AUTS2: variants seen among roughly 807,000 people sequenced by gnomAD.
AUTS2 encodes the protein activator of transcription and developmental regulator AUTS2.
In AUTS2, 17 loss-of-function variants were observed where a neutral mutation model predicts 112.4. The ratio of observed to expected loss-of-function variants is 0.15; its 90% confidence interval spans 0.10 to 0.23. The LOEUF (loss-of-function observed/expected upper bound fraction) is 0.23. Ranked by LOEUF, AUTS2 falls within the 10% of genes least tolerant of loss-of-function variation. The pLI is 1.00. For missense variants in AUTS2, 1,510 were observed against 1,701.6 expected (o/e 0.89, Z 1.98); for synonymous variants, 751 against 702.7 (o/e 1.07, Z -1.09).
At chr7:70,109,785 T>C (rs1804972430) in intron 2 of AUTS2, among the ~76,000 whole-genome samples, 1 of 152,218 alleles carries the variant, frequency 6.6e-6, no homozygotes, top group African/African-American at 2.4e-5. Flanking sequence ...GTCCGGTCCC[T>C]GTCCCCCATC....
At chr7:69,869,652 G>A (rs768691757) in intron 1 of AUTS2, among the ~76,000 whole-genome samples, 8 of 151,784 alleles carry the variant, frequency 5.3e-5, no homozygotes, top group Non-Finnish European at 1.0e-4. Flanking sequence ...AGCATCCCTC[G>A]GTTGTTGTAT....
Position 70,790,016 on chromosome 7 carries a change from A to G in AUTS2, c.2800A>G (p.Lys934Glu), listed in dbSNP as rs771409160. ...GGGGCGCGCCGCGGGCGAAGAGGCC[A>G]AGCAGCTGGCCCGGGTGCCGTCTCC... ...HEGRAAGEEAKQLARVPSPYV... is the reference protein window; with the variant it reads ...HEGRAAGEEAEQLARVPSPYV... The change falls in exon 19 of 19, where the codon AAG (lysine) becomes GAG (glutamate). Residue 934 changes from lysine (K) to glutamate (E), a missense_variant. Lys to Glu is a moderately conservative substitution (Grantham distance 56). This residue lies in a region of AUTS2 where 788 missense variants were observed against 797.6 expected (regional missense o/e 0.99). Transcript: ENST00000342771. This position sits in a 1 kb window ranked among gnomAD's most constrained non-coding sequence, Gnocchi z 7.6. 15 of 1,592,630 alleles carry G rather than the reference A, an allele frequency of 9.4e-6. No individual in the cohort carries two copies. The highest frequency in any genetic ancestry group is 2.7e-5 in the African/African-American group (2 of 74,488).
rs140684871 is a variant in AUTS2, at chr7:69,644,916, T to C, written c.309+44954T>C. ...TGGCAGCAAGTCTTGAATTCTGTTT[T>C]ATTTTTCTTAAGAGACGGGGTCTTG... On this transcript the variant is annotated intron_variant, in intron 1 of 18. Transcript: ENST00000342771. Among the ~76,000 whole-genome samples, 17 of 152,214 alleles carry C rather than the reference T, an allele frequency of 1.1e-4. No homozygotes were observed. The East Asian group carries it at 2.3e-3, about 21-fold the overall frequency.
chr7:69,994,788 A>G (rs1385540897), intron 2 of AUTS2, among the ~76,000 whole-genome samples: 1 of 152,204 alleles, frequency 6.6e-6, no homozygotes, highest in Admixed American at 6.5e-5. Context: ...CCAGGTAGAC[A>G]TGCAAGAATT....
chr7:69,866,729 G>C (rs985764415), intron 1 of AUTS2, among the ~76,000 whole-genome samples: 3 of 152,198 alleles, frequency 2.0e-5, no homozygotes, highest in Non-Finnish European at 4.4e-5. Context: ...GGTTAGAAAG[G>C]TAAGAGCCTA....
At chr7:70,397,515 C>T (rs1211260579) in intron 4 of AUTS2, among the ~76,000 whole-genome samples, 1 of 151,818 alleles carries the variant, frequency 6.6e-6, no homozygotes, top group Admixed American at 6.6e-5. Context: ...AAATCTTTTG[C>T]CCATTTTTAA....
At chr7:70,372,465 A>T (rs1739469022) in intron 4 of AUTS2, among the ~76,000 whole-genome samples, 1 of 152,120 alleles carries the variant, frequency 6.6e-6, no homozygotes, top group Non-Finnish European at 1.5e-5. Flanking sequence ...ACATTCGTTT[A>T]ATCTAGAGTA....
chr7:70,403,166 A>G (rs770873768), intron 4 of AUTS2, among the ~76,000 whole-genome samples: 24 of 152,200 alleles, frequency 1.6e-4, no homozygotes, highest in Non-Finnish European at 2.9e-4. Context: ...AGCTCTCAGA[A>G]CTTGCAGAAT....
At chr7:70,054,255 A>C (rs1452219102) in intron 2 of AUTS2, among the ~76,000 whole-genome samples, 1 of 152,156 alleles carries the variant, frequency 6.6e-6, no homozygotes, top group East Asian at 1.9e-4. Context: ...TTTCTCTCTT[A>C]AGTTGGCACC....
At chr7:70,073,979 A>G (rs1251007127) in intron 2 of AUTS2, among the ~76,000 whole-genome samples, 1 of 152,246 alleles carries the variant, frequency 6.6e-6, no homozygotes, top group East Asian at 1.9e-4. Flanking sequence ...ATGACCTGAA[A>G]TAATTTACAC....
chr7:69,798,820 A>G (rs780122431), intron 1 of AUTS2, among the ~76,000 whole-genome samples: 14 of 151,980 alleles, frequency 9.2e-5, no homozygotes, highest in Admixed American at 6.6e-5. Flanking sequence ...GTGGGATCCT[A>G]TCTCTACAAA....
intron 2 of AUTS2, among the ~76,000 whole-genome samples, chr7:69,969,387 T>G (rs948194545): frequency 1.3e-5 from 2 of 152,172 alleles, no homozygotes; most frequent in African/African-American, 4.8e-5. Flanking sequence ...AATGTAAAGC[T>G]AAGTAATGTA....
chr7:69,795,958 G>T (rs1388194913), intron 1 of AUTS2, among the ~76,000 whole-genome samples: 1 of 152,140 alleles, frequency 6.6e-6, no homozygotes, highest in Non-Finnish European at 1.5e-5. Context: ...TGTGGAGCTT[G>T]GGTTCATGCA....
At chr7:69,654,655 T>A (rs1052282659) in intron 1 of AUTS2, among the ~76,000 whole-genome samples, 2 of 152,228 alleles carry the variant, frequency 1.3e-5, no homozygotes, top group African/African-American at 4.8e-5. Context: ...CTTGTCCAAC[T>A]ACTCAGGGAA....
intron 5 of AUTS2, among the ~76,000 whole-genome samples, chr7:70,613,241 CTGTGTG>C (rs71077668): frequency 3.4e-4 from 50 of 147,542 alleles, no homozygotes; most frequent in Non-Finnish European, 4.0e-4. Context: ...GTGTGTGTGT[CTGTGTG>C]TGTGTGTGTG....
At chr7:70,629,633 A>T (rs918948656) in intron 5 of AUTS2, among the ~76,000 whole-genome samples, 6 of 152,184 alleles carry the variant, frequency 3.9e-5, no homozygotes, top group African/African-American at 4.8e-5. Context: ...CTGGTGACTG[A>T]CGGAGCCCCT....
chr7:69,689,934 C>G (rs1000021958), intron 1 of AUTS2, among the ~76,000 whole-genome samples: 1 of 151,470 alleles, frequency 6.6e-6, no homozygotes, highest in African/African-American at 2.4e-5. Flanking sequence ...CTCAGGTAAT[C>G]TGCCTGCCTT....
At chr7:70,435,817 A>G (rs760745580) in intron 5 of AUTS2, 36 bp downstream of exon 5, 49 of 1,607,282 alleles carry the variant, frequency 3.0e-5, no homozygotes, top group Middle Eastern at 1.7e-4. Flanking sequence ...GGCACAGCAC[A>G]TAACACACTG....
At chr7:70,204,715 G>A (rs766168770) in intron 4 of AUTS2, among the ~76,000 whole-genome samples, 1 of 151,850 alleles carries the variant, frequency 6.6e-6, no homozygotes, top group Non-Finnish European at 1.5e-5. Flanking sequence ...GTATCCCAAG[G>A]GCCTATCATA....
Sources: gnomAD v4.1 joint callset for allele counts (sites outside exome capture counted in the v4.1 genomes callset) on GRCh38, gnomAD v4.1.1 for gene constraint, gnomAD v4.1.1 regional missense constraint, Gnocchi (gnomAD v3.1) non-coding constraint, MANE v1.5 for transcripts, NCBI Gene and HGNC (gene_info 2026-07-23, HGNC 2026-07-21) for gene names.